The following KIDINS220 variants were observed in gnomAD, a reference collection of about 807,000 sequenced individuals.
KIDINS220 encodes kinase D interacting substrate 220, also known as kinase D-interacting substrate of 220 kDa.
Under a neutral mutation model 157.6 loss-of-function variants are expected in KIDINS220, and 63 were observed. The observed-to-expected ratio is 0.40, with a 90% CI of 0.33 to 0.49. The LOEUF (loss-of-function observed/expected upper bound fraction) is 0.49. Ranked by LOEUF, KIDINS220 falls within the 20% of genes least tolerant of loss-of-function variation. KIDINS220 has a pLI of 0.66. For synonymous variants in KIDINS220, 732 were observed against 783.6 expected (o/e 0.93, Z 1.10); for missense variants, 1,772 against 2,171.2 (o/e 0.82, Z 3.65).
intron 4 of KIDINS220, among the ~76,000 whole-genome samples, chr2:8,816,528 G>T (rs1480696186): frequency 1.3e-5 from 2 of 152,180 alleles, no homozygotes; most frequent in African/African-American, 4.8e-5. Context: ...TATTGGTATG[G>T]TACCTATTCC....
At chr2:8,822,025 C>T (rs945413993) in intron 2 of KIDINS220, among the ~76,000 whole-genome samples, 11 of 152,180 alleles carry the variant, frequency 7.2e-5, no homozygotes, top group African/African-American at 1.2e-4. Flanking sequence ...ACATAATCCC[C>T]GCTCTACTAC....
intron 22 of KIDINS220, among the ~76,000 whole-genome samples, chr2:8,755,783 C>A (rs1443867951): frequency 1.3e-5 from 2 of 152,364 alleles, no homozygotes; most frequent in East Asian, 3.9e-4. Context: ...CAAAACCCAA[C>A]TGGACATAGA....
In KIDINS220 at chr2:8,791,199, G is replaced by A. The variant is rs542165847; in HGVS notation, c.1302C>T (p.Asp434=). 3.3e-5 allele frequency: 54 copies of A among 1,613,462 alleles called. No homozygotes were observed. The highest frequency in any genetic ancestry group is 2.7e-4 in the East Asian group (12 of 44,860). The change falls in exon 13 of 30, where the codon GAC becomes GAT. Residue 434 remains aspartate (D), a synonymous_variant. Transcript: ENST00000256707. Reference sequence around the variant, plus strand: ...ATAAATCATATCCAAGCATGTCACCGTCTGTTTCAGTAGGAGACAAGTGTC... The same window carrying A: ...ATAAATCATATCCAAGCATGTCACCATCTGTTTCAGTAGGAGACAAGTGTC... ...GARHLSPTET[D]GDMLGYDLYS... is the part of the protein sequence containing the mutation.
intron 8 of KIDINS220, among the ~76,000 whole-genome samples, chr2:8,802,387 T>TC (rs1262175313): frequency 6.6e-6 from 1 of 152,028 alleles, no homozygotes; most frequent in Non-Finnish European, 1.5e-5. Context: ...AGTGGACAGA[T>TC]AAAGGATTTG....
intron 22 of KIDINS220, 36 bp from the exon 23 acceptor site, chr2:8,751,680 G>C (rs1396205630): frequency 7.1e-7 from 1 of 1,417,604 alleles, no homozygotes; most frequent in African/African-American, 1.4e-5. Flanking sequence ...GGTTATTAAT[G>C]TCACTATTAG....
At chr2:8,767,201 T>C (rs765617440) in intron 22 of KIDINS220, among the ~76,000 whole-genome samples, 6 of 152,092 alleles carry the variant, frequency 3.9e-5, no homozygotes, top group Non-Finnish European at 8.8e-5. Context: ...ATGGATAAAA[T>C]ATTGAACCTC....
At chr2:8,723,074 G>A (rs554011103), downstream of KIDINS220, 24 of 152,286 alleles carry the variant, frequency 1.6e-4, 1 homozygote, top group Admixed American at 1.3e-3. Context: ...ATGCTTCATC[G>A]CCTGTGGGGA....
Position 8,731,838 on chromosome 2 carries a change from C to T in KIDINS220, c.4198G>A (p.Gly1400Ser), listed in dbSNP as rs1323828931. 6.2e-7 allele frequency: 1 copy of T among 1,614,058 alleles called. No homozygotes were observed. Among genetic ancestry groups the T allele is most frequent in the African/African-American group, 1.3e-5 (1 of 74,954 alleles). ...YIAQMSQLEG[G>S]PGSTTISGRS... ...CCACTAATGGTTGTAGACCCGGGGC[C>T]CCCTTCTAACTGGGACATCTGAGCA... Residue 1400 changes from glycine to serine, a missense_variant, in exon 30 of 30, where the codon GGC becomes AGC. Around this residue, in one of 3 missense-constraint regions of KIDINS220, gnomAD observed 793 missense variants for 885.5 expected, o/e 0.90. Transcript: ENST00000256707. This position sits in a 1 kb window ranked among gnomAD's most constrained non-coding sequence, Gnocchi z 5.2.
Position 8,800,436 on chromosome 2 carries a change from A to C in KIDINS220, c.864T>G (p.Leu288=). The C allele has an allele frequency of 6.2e-7, 1 of 1,613,472 alleles. No homozygotes were observed. The highest frequency in any genetic ancestry group is 1.7e-5 in the Admixed American group (1 of 59,856). Residue 288 remains leucine, a synonymous_variant, in exon 9 of 30, where the codon CTT becomes CTG. Coordinates refer to ENST00000256707, the MANE Select transcript of KIDINS220 (RefSeq NM_020738.4). ...RGGHVEIVRA[L]LQKYADIDIR... Reference sequence around the variant, plus strand: ...TGTCTATATCAGCATATTTTTGGAGAAGCGCTCGAACAATTTCAACATGAC... The same window carrying C: ...TGTCTATATCAGCATATTTTTGGAGCAGCGCTCGAACAATTTCAACATGAC...
At chr2:8,834,615 C>T (rs1326087204) in intron 1 of KIDINS220, among the ~76,000 whole-genome samples, 3 of 152,012 alleles carry the variant, frequency 2.0e-5, no homozygotes, top group Non-Finnish European at 4.4e-5. Context: ...TAAAGACTAT[C>T]TGTTTTGTTT....
At chr2:8,834,249 G>T (rs62104394) in intron 1 of KIDINS220, among the ~76,000 whole-genome samples, 1 of 151,850 alleles carries the variant, frequency 6.6e-6, no homozygotes, top group Non-Finnish European at 1.5e-5. Flanking sequence ...ACATCCCAAC[G>T]GTTGTCCTCT....
Position 8,729,324 on chromosome 2 carries a change from T to G in KIDINS220, c.*1396A>C, listed in dbSNP as rs1353885906. The G allele has an allele frequency of 2.3e-5, 23 of 985,352 alleles. No individual in the cohort carries two copies. The Admixed American group carries it at 1.4e-3, about 61-fold the overall frequency. 61.0% of individuals were successfully genotyped at this position (985,352 alleles called of 1,614,324 possible). On this transcript the variant is annotated 3_prime_UTR_variant, in exon 30 of 30. Coordinates refer to ENST00000256707, the MANE Select transcript of KIDINS220 (RefSeq NM_020738.4). ...AATCAGCATATTAATAAAAACCCAC[T>G]GAGTGATAAACATCGAAAATGTAAC... is the stretch of plus-strand genomic sequence containing the variant.
chr2:8,815,837 A>T (rs1013033274), intron 4 of KIDINS220, among the ~76,000 whole-genome samples: 2 of 152,226 alleles, frequency 1.3e-5, no homozygotes, highest in African/African-American at 4.8e-5. Context: ...TGGTGCCAGT[A>T]GAAGTCCTCA....
rs1221857884 is a variant in KIDINS220 at position 8,789,866 on chromosome 2, A to G, written c.1621+14T>C. On this transcript the variant is annotated intron_variant, in intron 14 of 29. Coordinates refer to ENST00000256707, the MANE Select transcript of KIDINS220 (RefSeq NM_020738.4). ...TTTCTCCATTTTTGAAAAAGATAAA[A>G]AGCAAAGACTTACTAAAGAATATAT... 1 of 1,557,996 alleles carries G rather than the reference A, an allele frequency of 6.4e-7. No individual in the cohort carries two copies.
chr2:8,823,586 G>A (rs1189864278), intron 2 of KIDINS220, among the ~76,000 whole-genome samples: 1 of 152,104 alleles, frequency 6.6e-6, no homozygotes, highest in Non-Finnish European at 1.5e-5. Flanking sequence ...TATCTCGCAT[G>A]ATGCTAAATT....
At chr2:8,757,449 T>G in intron 22 of KIDINS220, 1 of 1,323,606 alleles carries the variant, frequency 7.6e-7, no homozygotes, top group Non-Finnish European at 9.7e-7. Flanking sequence ...GAAGCACACT[T>G]GATTGTTTCC....
At chr2:8,735,286 C>T (rs994001016) in intron 27 of KIDINS220, among the ~76,000 whole-genome samples, 1 of 152,232 alleles carries the variant, frequency 6.6e-6, no homozygotes, top group African/African-American at 2.4e-5. Flanking sequence ...AATCCCAGAA[C>T]TTTGGGAGGC....
chr2:8,743,734 C>G (rs1449081122), intron 26 of KIDINS220, among the ~76,000 whole-genome samples: 1 of 152,208 alleles, frequency 6.6e-6, no homozygotes, highest in Admixed American at 6.5e-5. Flanking sequence ...CATGTGGAGA[C>G]TAGCACTCCT....
chr2:8,803,027 T>A lies in KIDINS220; in HGVS notation c.704A>T (p.Asp235Val). Reference protein sequence around the residue: ...RNPNVNLTDKDGNTALMIASK... With the variant: ...RNPNVNLTDKVGNTALMIASK... ...TGCAATCATCAAAGCTGTATTTCCA[T>A]CTTTATCTGTTAAGTTTACATTTGG... Residue 235 changes from aspartate (D) to valine (V), a missense_variant, in exon 8 of 30, where the codon GAT becomes GTT. By Grantham distance (152) the Asp-to-Val change is radical (BLOSUM62 -3). Coordinates refer to ENST00000256707, the MANE Select transcript of KIDINS220 (RefSeq NM_020738.4). 6.2e-7 allele frequency: 1 copy of A among 1,613,726 alleles called. No homozygotes were observed. The highest frequency in any genetic ancestry group is 8.5e-7 in the Non-Finnish European group (1 of 1,179,914).
Sources: allele counts gnomAD v4.1 joint callset (sites outside exome capture counted in the v4.1 genomes callset), GRCh38; gene constraint gnomAD v4.1.1; regional missense constraint gnomAD v4.1.1; non-coding constraint Gnocchi (gnomAD v3.1); transcripts MANE v1.5; gene names NCBI Gene and HGNC (gene_info 2026-07-23, HGNC 2026-07-21).